Variants in MYO5C observed in about 807,000 individuals in gnomAD.
MYO5C encodes the protein unconventional myosin-Vc.
A neutral mutation model predicts 235.7 loss-of-function variants in MYO5C; 194 were observed. The ratio of observed to expected loss-of-function variants is 0.82; its 90% CI spans 0.73 to 0.93. The LOEUF (loss-of-function observed/expected upper bound fraction) is 0.93, where lower values mean the gene tolerates loss of function less well. MYO5C is among the 40% of genes least tolerant of loss of function. The probability of loss-of-function intolerance (pLI) is 0.00; values close to 1 mark genes in which losing one functional copy is unlikely to be tolerated. For synonymous variants in MYO5C, 707 were observed against 754.8 expected, an observed-to-expected ratio of 0.94 and a Z score of 1.04; for missense variants, 2,038 against 2,127.2, an observed-to-expected ratio of 0.96 and a Z score of 0.82.
intron 1 of MYO5C, 127 bp downstream of exon 1, chr15:52,295,482 GC>G: frequency 8.8e-7 from 1 of 1,131,174 alleles, no homozygotes; most frequent in Non-Finnish European, 1.2e-6. Context: ...GGCCCCCAGC[GC>G]GCGCCCGCCC....
intron 37 of MYO5C, 184 bp downstream of exon 37, chr15:52,205,632 G>A (rs975410968): frequency 1.4e-5 from 6 of 421,102 alleles, no homozygotes; most frequent in East Asian, 3.7e-5. Flanking sequence ...TACCAACAGC[G>A]TACTATTATT....
At chr15:52,294,406 C>CCATTT (rs2037455640) in intron 1 of MYO5C, among the ~76,000 whole-genome samples, 1 of 152,220 alleles carries the variant, frequency 6.6e-6, no homozygotes, top group African/African-American at 2.4e-5. Flanking sequence ...TTTAGAACTC[C>CCATTT]AGTTAATGGA....
chr15:52,243,042 T>A (rs1460912038), intron 19 of MYO5C: 2 of 152,256 alleles, frequency 1.3e-5, no homozygotes, highest in East Asian at 3.8e-4. Context: ...ACACCTTCTA[T>A]GACAGCCACC....
In MYO5C at chr15:52,237,636, T is replaced by C. The variant is rs774194997; in HGVS notation, c.2714A>G (p.Asn905Ser). The C allele has an allele frequency of 1.1e-5, 17 of 1,611,776 alleles. No individual in the cohort carries two copies. The highest frequency in any genetic ancestry group is 8.4e-5 in the Admixed American group (5 of 59,586). ...AGTCAGCTTCTCCACCAGCCCATGG[T>C]TTTCTTTGTTCTAGAGAAAAGAAAA... ...QKKLEDQNKE[N>S]HGLVEKLTSL... Residue 905 changes from asparagine to serine, a missense_variant, in exon 22 of 41, where the codon AAC becomes AGC. Physicochemically the swap from Asn to Ser is conservative, Grantham distance 46. Coordinates refer to ENST00000261839, the MANE Select transcript of MYO5C (RefSeq NM_018728.4).
In MYO5C at chr15:52,245,965, T is replaced by G; in HGVS notation, c.2057A>C (p.Tyr686Ser). 1 of 1,614,072 alleles carries G rather than the reference T, an allele frequency of 6.2e-7. No individual in the cohort carries two copies. Among genetic ancestry groups the G allele is most frequent in the South Asian group, 1.1e-5 (1 of 91,082 alleles). Residue 686 changes from tyrosine (Y) to serine (S), a missense_variant, in exon 17 of 41, where the codon TAC becomes TCC. Tyr to Ser is a moderately radical substitution (Grantham distance 144). Transcript: ENST00000261839. ...LETIRISAQS[Y>S]PSRWTYIEFY... ...AGGACGGACAACATACCTGGAAGGGTAGCTCTGTGCACTAATGCGAATCGT... is the reference window on the plus strand; with the variant it reads ...AGGACGGACAACATACCTGGAAGGGGAGCTCTGTGCACTAATGCGAATCGT...
At chr15:52,239,403 G>C (rs2036162899) in intron 21 of MYO5C, among the ~76,000 whole-genome samples, 1 of 152,240 alleles carries the variant, frequency 6.6e-6, no homozygotes, top group South Asian at 2.1e-4. Context: ...TTGGCATGCG[G>C]ACAGCATCTT....
At chr15:52,255,924 G>A (rs915509380) in intron 11 of MYO5C, among the ~76,000 whole-genome samples, 1 of 152,146 alleles carries the variant, frequency 6.6e-6, no homozygotes, top group Non-Finnish European at 1.5e-5. Flanking sequence ...GTTTCCATGG[G>A]ATGATACATT....
At chr15:52,291,737 T>TTTTTTTTTTG (rs1566998032) in intron 1 of MYO5C, among the ~76,000 whole-genome samples, 11 of 74,518 alleles carry the variant, frequency 1.5e-4, no homozygotes, top group Non-Finnish European at 2.5e-4. Context: ...TTATGTTTTT[T>TTTTTTTTTTG]TTTTTTTTTT....
rs1304844683 is a variant in MYO5C at position 52,278,027 on chromosome 15, T to G, written c.449+846A>C. On this transcript the variant is annotated intron_variant, in intron 4 of 40. Coordinates refer to ENST00000261839, the MANE Select transcript of MYO5C (RefSeq NM_018728.4). ...CAGGTCCTGTGCCTCAGATTTCCCA[T>G]CTGTGAAATGAGGGCAATGAAGTCA... The G allele has an allele frequency of 1.6e-5, 7 of 449,556 alleles. No homozygotes were observed. The East Asian group carries it at 4.2e-4, about 27-fold the overall frequency. The allele number at this position is 449,556 out of a possible 1,614,324, so 27.8% of individuals were successfully genotyped here. A position where few individuals can be genotyped will look rare whatever the true frequency, so the allele number is the denominator to read the frequency against.
intron 18 of MYO5C, among the ~76,000 whole-genome samples, chr15:52,244,830 T>C (rs577037008): frequency 3.3e-5 from 5 of 152,232 alleles, no homozygotes; most frequent in Admixed American, 6.5e-5. Context: ...CGATTCTCAG[T>C]TGGGCTGCCA....
chr15:52,225,016 T>C, intron 27 of MYO5C, 35 bp from the exon 28 acceptor site: 5 of 1,613,266 alleles, frequency 3.1e-6, no homozygotes, highest in Non-Finnish European at 4.2e-6. Context: ...ATCTATCATC[T>C]CTGTCACGTT....
In MYO5C at chr15:52,246,055, AATG is replaced by A; in HGVS notation, c.1980-16_1980-14del. The A allele has an allele frequency of 1.2e-6, 2 of 1,610,496 alleles. No homozygotes were observed. Among genetic ancestry groups the A allele is most frequent in the Non-Finnish European group, 1.7e-6 (2 of 1,177,106 alleles). ...TTTGGAGTCAAATCTTTAAAAAGAC[AATG>A]ATATTATGTGTTGAGGCATCGTAAT... On this transcript the variant is annotated splice_polypyrimidine_tract_variant and intron_variant, in intron 16 of 40. Transcript: ENST00000261839.
At chr15:52,207,576 C>G (rs145925559) in intron 36 of MYO5C, among the ~76,000 whole-genome samples, 1 of 152,282 alleles carries the variant, frequency 6.6e-6, no homozygotes, top group African/African-American at 2.4e-5. Flanking sequence ...TAATTGTGAA[C>G]TCTAAATATG....
intron 12 of MYO5C, among the ~76,000 whole-genome samples, chr15:52,252,702 G>A (rs1424810196): frequency 1.3e-5 from 2 of 151,660 alleles, no homozygotes; most frequent in Non-Finnish European, 2.9e-5. Flanking sequence ...TTGAACTCAG[G>A]AAGCGGAGGT....
intron 23 of MYO5C, among the ~76,000 whole-genome samples, chr15:52,233,052 G>A (rs2036001921): frequency 7.2e-5 from 1 of 13,798 alleles, no homozygotes; most frequent in African/African-American, 1.0e-4. Flanking sequence ...GGCCGAGGCG[G>A]GCGGATCACG....
chr15:52,286,972 A>AAAAC lies in MYO5C; in HGVS notation c.28-4084_28-4081dup, dbSNP rs1416157593. 1.2e-3 allele frequency among the ~76,000 whole-genome samples: 138 copies of AAAAC among 110,738 alleles called. 3 individuals carry two copies. The highest frequency in any genetic ancestry group is 7.4e-3 in the South Asian group (28 of 3,782). 72.6% of individuals were successfully genotyped at this position (110,738 alleles called of 152,430 possible). On this transcript the variant is annotated intron_variant, in intron 1 of 40. Coordinates refer to ENST00000261839, the MANE Select transcript of MYO5C (RefSeq NM_018728.4). ...AAAGAAAAAAGAAAAAAAAAAAAGAAAAACTAACAAACAAACAAACAAACA... is the reference window on the plus strand; with the variant it reads ...AAAGAAAAAAGAAAAAAAAAAAAGAAAAACAAACTAACAAACAAACAAACAAACA...
chr15:52,263,938 T>C (rs2036747188), intron 9 of MYO5C, among the ~76,000 whole-genome samples: 1 of 152,174 alleles, frequency 6.6e-6, no homozygotes, highest in South Asian at 2.1e-4. Flanking sequence ...ACTTAGTAGG[T>C]GCTTCATACA....
chr15:52,241,639 T>C (rs749032915), intron 20 of MYO5C, among the ~76,000 whole-genome samples: 1 of 152,218 alleles, frequency 6.6e-6, no homozygotes, highest in African/African-American at 2.4e-5. Flanking sequence ...ATCCTGTCTG[T>C]TAGGTGCACA....
intron 23 of MYO5C, among the ~76,000 whole-genome samples, chr15:52,233,311 A>AT (rs1349201559): frequency 3.9e-4 from 5 of 12,752 alleles, no homozygotes; most frequent in African/African-American, 5.8e-4. Context: ...AAAAAAAAAA[A>AT]AAATAAATAA....
Sources: gnomAD v4.1 joint callset for allele counts (sites outside exome capture counted in the v4.1 genomes callset) on GRCh38, gnomAD v4.1.1 for gene constraint, MANE v1.5 for transcripts, NCBI Gene and HGNC (gene_info 2026-07-23, HGNC 2026-07-21) for gene names.